The following FBXL18 variants were observed in gnomAD, a reference collection of about 807,000 sequenced individuals.
FBXL18 encodes F-box/LRR-repeat protein 18.
Under a neutral mutation model 46.0 loss-of-function variants are expected in FBXL18, and 36 were observed. The observed-to-expected ratio is 0.78, with a 90% CI of 0.60 to 1.03. FBXL18 has a LOEUF of 1.03. FBXL18 is among the 50% of genes least tolerant of loss of function. FBXL18 has a pLI of 0.00. For missense variants in FBXL18, 977 were observed against 1,004.1 expected, an observed-to-expected ratio of 0.97 and a Z score of 0.36; for synonymous variants, 557 against 465.3, an observed-to-expected ratio of 1.20 and a Z score of -2.54.
intron 4 of FBXL18, among the ~76,000 whole-genome samples, chr7:5,463,740 T>TTTTTTTA (rs1783298294): frequency 3.4e-5 from 1 of 29,250 alleles, no homozygotes; most frequent in Non-Finnish European, 8.3e-5. Flanking sequence ...TTTTTTTTTT[T>TTTTTTTA]TTTTTTTTTT....
In FBXL18 at chr7:5,513,717, C is replaced by A. The variant is rs768280962; in HGVS notation, c.-43G>T. The stretch of plus-strand genomic sequence containing the variant: ...ACCGCGGCCGCGGGATCCGCAACCC[C>A]GTGCCTCCCACCTGCCCGGCTAGGG... On this transcript the variant is annotated 5_prime_UTR_variant, in exon 1 of 5. Coordinates refer to ENST00000382368, the MANE Select transcript of FBXL18 (RefSeq NM_024963.6). The A allele has an allele frequency of 1.3e-6, 2 of 1,590,212 alleles. No individual in the cohort carries two copies. Among genetic ancestry groups the A allele is most frequent in the South Asian group, 1.1e-5 (1 of 87,958 alleles).
chr7:5,486,212 T>C (rs1008795143), intron 4 of FBXL18, among the ~76,000 whole-genome samples: 11 of 141,496 alleles, frequency 7.8e-5, no homozygotes, highest in South Asian at 2.2e-4. Flanking sequence ...GATGGTACCA[T>C]TGCACTCCAG....
intron 4 of FBXL18, among the ~76,000 whole-genome samples, chr7:5,463,217 G>A (rs112558100): frequency 6.6e-6 from 1 of 151,602 alleles, no homozygotes; most frequent in Middle Eastern, 3.4e-3. Flanking sequence ...ATAAAATGGT[G>A]CAGCTGCTGA....
At chr7:5,459,609 A>G (rs918506042) in intron 4 of FBXL18, among the ~76,000 whole-genome samples, 1 of 152,052 alleles carries the variant, frequency 6.6e-6, no homozygotes, top group Non-Finnish European at 1.5e-5. Context: ...GCGTGGTAGC[A>G]GGCGCCTGTA....
At chr7:5,463,293 A>G (rs927393881) in intron 4 of FBXL18, among the ~76,000 whole-genome samples, 2 of 151,800 alleles carry the variant, frequency 1.3e-5, no homozygotes, top group African/African-American at 4.8e-5. Context: ...TCTAGTATAT[A>G]TCCAAGAGAA....
intron 1 of FBXL18, among the ~76,000 whole-genome samples, chr7:5,511,420 A>T (rs1562710110): frequency 6.8e-6 from 1 of 147,110 alleles, no homozygotes; most frequent in Non-Finnish European, 1.5e-5. Context: ...CTCTACTAAA[A>T]ATACAAAAAA....
chr7:5,481,753 CGATGGGCG>C lies in FBXL18; in HGVS notation c.*14_*21del, dbSNP rs1278162244. ...TGCAGCTTCTCGAGGTGACTGAGAC[CGATGGGCG>C]GCGGCTCCGCCTCTCACCACCACAG... On this transcript the variant is annotated 3_prime_UTR_variant, in exon 5 of 5. Coordinates refer to ENST00000382368, the MANE Select transcript of FBXL18 (RefSeq NM_024963.6). 3.1e-6 allele frequency: 5 copies of C among 1,612,474 alleles called. No individual in the cohort carries two copies. Among genetic ancestry groups the C allele is most frequent in the Non-Finnish European group, 4.2e-6 (5 of 1,179,668 alleles).
rs544817417 is a variant in FBXL18 at position 5,491,265 on chromosome 7, T to C, written c.1966A>G (p.Thr656Ala). The change falls in exon 4 of 5, where the codon ACC becomes GCC. Residue 656 changes from threonine (T) to alanine (A), a missense_variant. Physicochemically the swap from Thr to Ala is moderately conservative, Grantham distance 58. Transcript: ENST00000382368. ...CHLFTGESLA[T>A]CKSLQQSLLR... ...AGCGACTGCTGCAGGCTCTTGCAGGTGGCGAGGGACTCCCCGGTGAACAGG... is the reference window on the plus strand; with the variant it reads ...AGCGACTGCTGCAGGCTCTTGCAGGCGGCGAGGGACTCCCCGGTGAACAGG... 1.9e-6 allele frequency: 3 copies of C among 1,613,126 alleles called. No individual in the cohort carries two copies. In the South Asian group the frequency reaches 3.3e-5, roughly 18 times the overall value.
At chr7:5,462,368 C>T (rs1194733559) in intron 4 of FBXL18, among the ~76,000 whole-genome samples, 1 of 152,222 alleles carries the variant, frequency 6.6e-6, no homozygotes, top group African/African-American at 2.4e-5. Context: ...ATTACCTACC[C>T]CACTGTGGGT....
At chr7:5,506,474 C>A (rs577622468) in intron 1 of FBXL18, among the ~76,000 whole-genome samples, 1 of 150,904 alleles carries the variant, frequency 6.6e-6, no homozygotes, top group African/African-American at 2.4e-5. Context: ...AATCAGGTTG[C>A]AAATTCCTGA....
At chr7:5,488,185 G>A (rs1169518513) in intron 4 of FBXL18, among the ~76,000 whole-genome samples, 1 of 152,244 alleles carries the variant, frequency 6.6e-6, no homozygotes, top group Non-Finnish European at 1.5e-5. Context: ...CGAAGGTGCA[G>A]GTCACCCCAG....
At chr7:5,484,117 T>G (rs940650656) in intron 4 of FBXL18, among the ~76,000 whole-genome samples, 1 of 152,188 alleles carries the variant, frequency 6.6e-6, no homozygotes, top group Non-Finnish European at 1.5e-5. Context: ...CGTCATGCCA[T>G]GTACTTGATT....
intron 3 of FBXL18, 52 bp from the exon 4 acceptor site, chr7:5,491,501 G>C: frequency 6.9e-7 from 1 of 1,455,776 alleles, no homozygotes; most frequent in Non-Finnish European, 9.2e-7. Context: ...TCGCAGGCCA[G>C]GCCAGCTGGG....
downstream of FBXL18, among the ~76,000 whole-genome samples, chr7:5,471,514 G>A (rs1056796843): frequency 1.3e-5 from 2 of 151,586 alleles, no homozygotes; most frequent in Non-Finnish European, 2.9e-5. Context: ...CTGACCTCGT[G>A]ATCCGCCTGC....
At chr7:5,474,075 G>A (rs1378470544), downstream of FBXL18, among the ~76,000 whole-genome samples, 2 of 152,190 alleles carry the variant, frequency 1.3e-5, no homozygotes, top group African/African-American at 4.8e-5. Context: ...GGGATTACAG[G>A]CGTGAGCCAT....
At position 5,505,450 on chromosome 7, in the gene FBXL18, T is replaced by C. The variant is rs1334915095; in HGVS notation, c.199A>G (p.Ser67Gly). The change falls in exon 2 of 5, where the codon AGC becomes GGC. Residue 67 changes from serine to glycine, a missense_variant. Ser to Gly is a moderately conservative substitution (Grantham distance 56, BLOSUM62 0). Coordinates refer to ENST00000382368, the MANE Select transcript of FBXL18 (RefSeq NM_024963.6). ...RKLAALCLDK[S>G]LIHTVLLQKD... ...TGCAGCAACACGGTGTGGATGAGGC[T>C]CTTGTCAAGGCACAGGGCTGCAAGC... is the stretch of plus-strand genomic sequence containing the variant. 1 of 1,614,138 alleles carries C rather than the reference T, an allele frequency of 6.2e-7. No homozygotes were observed. The highest frequency in any genetic ancestry group is 1.3e-5 in the African/African-American group (1 of 75,012).
chr7:5,460,817 C>T (rs1783233615), intron 4 of FBXL18, among the ~76,000 whole-genome samples: 1 of 152,142 alleles, frequency 6.6e-6, no homozygotes, highest in South Asian at 2.1e-4. Context: ...AGCCCGGCCT[C>T]GCTATCTGCA....
intron 4 of FBXL18, among the ~76,000 whole-genome samples, chr7:5,487,854 G>A (rs1783816631): frequency 6.9e-6 from 1 of 144,488 alleles, no homozygotes; most frequent in African/African-American, 2.5e-5. Context: ...CCAGGTGCGG[G>A]ACATCGGAGG....
intron 1 of FBXL18, among the ~76,000 whole-genome samples, chr7:5,510,296 C>CT (rs1480144894): frequency 8.1e-6 from 1 of 124,036 alleles, no homozygotes; most frequent in Non-Finnish European, 1.7e-5. Context: ...GAGTAAGACT[C>CT]TGTCTCAAAA....
Sources: allele counts gnomAD v4.1 joint callset (sites outside exome capture counted in the v4.1 genomes callset), GRCh38; gene constraint gnomAD v4.1.1; transcripts MANE v1.5; gene names NCBI Gene and HGNC (gene_info 2026-07-23, HGNC 2026-07-21).